SHISA7: variants seen among roughly 807,000 people sequenced by gnomAD.
The protein encoded by SHISA7 is protein shisa-7.
Under a neutral mutation model 23.9 loss-of-function variants are expected in SHISA7, and 6 were observed. The ratio of observed to expected loss-of-function variants is 0.25; its 90% CI spans 0.14 to 0.50. The LOEUF is 0.50. Ranked by LOEUF, SHISA7 falls within the 20% of genes least tolerant of loss-of-function variation. SHISA7 has a pLI of 0.98. For missense variants in SHISA7, 671 were observed against 801.1 expected, an observed-to-expected ratio of 0.84 and a Z score of 1.96; for synonymous variants, 386 against 398.3, an observed-to-expected ratio of 0.97 and a Z score of 0.37.
rs1159469736 is a variant in SHISA7 at position 55,429,384 on chromosome 19, G to A, written c.*3772C>T. 2 of 152,508 alleles carry A rather than the reference G, an allele frequency of 1.3e-5. No individual in the cohort carries two copies. The highest frequency in any genetic ancestry group is 2.9e-5 in the Non-Finnish European group (2 of 68,300). 9.4% of individuals were successfully genotyped at this position (152,508 alleles called of 1,614,324 possible). A position where few individuals can be genotyped will look rare whatever the true frequency, so the allele number is the denominator to read the frequency against. ...TCTGGGGAAGTCACAGTTGGCCTGA[G>A]CAGTGCGGGGCTGGGGAGGCCCTGG... On this transcript the variant is annotated 3_prime_UTR_variant, in exon 4 of 4. Transcript: ENST00000376325.
chr19:55,433,511 AG>A lies in SHISA7; in HGVS notation c.1261del (p.Leu421CysfsTer116). ...EHLLLSSPEA[L>X]RQSREHLLSP... ...CAGCAGGTGCTCGCGACTCTGGCGCAGGGCCTCGGGCGAGGACAGCAGCAGG... is the reference window on the plus strand; with the variant it reads ...CAGCAGGTGCTCGCGACTCTGGCGCAGGCCTCGGGCGAGGACAGCAGCAGG... On this transcript the variant is annotated frameshift_variant, in exon 4 of 4. Coordinates refer to ENST00000376325, the MANE Select transcript of SHISA7 (RefSeq NM_001145176.2). LOFTEE classifies it low-confidence loss of function (END_TRUNC). The surrounding 1 kb of genome is among the most constrained non-coding windows in gnomAD (Gnocchi z 8.4). 1.4e-6 allele frequency: 2 copies of A among 1,467,206 alleles called. No homozygotes were observed. The highest frequency in any genetic ancestry group is 1.8e-6 in the Non-Finnish European group (2 of 1,116,110). 90.9% of individuals were successfully genotyped at this position (1,467,206 alleles called of 1,614,324 possible). A position where few individuals can be genotyped will look rare whatever the true frequency, so the allele number is the denominator to read the frequency against.
chr19:55,435,368 T>TATATGTG (rs1255705967), intron 3 of SHISA7, among the ~76,000 whole-genome samples: 3 of 134,262 alleles, frequency 2.2e-5, no homozygotes, highest in African/African-American at 8.8e-5. Context: ...GTGTGTGGTG[T>TATATGTG]GTGTGTGGTG....
chr19:55,435,352 T>TGG (rs1985426976), intron 3 of SHISA7, among the ~76,000 whole-genome samples: 1 of 120,940 alleles, frequency 8.3e-6, no homozygotes, highest in Non-Finnish European at 1.7e-5. Context: ...ATGGTGTGTA[T>TGG]GGTGTGTGTG....
In SHISA7 at chr19:55,437,606, C is replaced by T; in HGVS notation, c.975G>A (p.Leu325=). The part of the protein sequence containing the change: ...ELNRYSSLKR[L]AEKDLDEAYL... Reference sequence around the variant, plus strand: ...CGCGCTGCCCTTGCCAGGACTCACCCAGCCTCTTGAGGGAAGAGTAGCGGT... The same window carrying T: ...CGCGCTGCCCTTGCCAGGACTCACCTAGCCTCTTGAGGGAAGAGTAGCGGT... The change falls in exon 3 of 4, where the codon CTG becomes CTA. Residue 325 remains leucine, a splice_region_variant and synonymous_variant. Coordinates refer to ENST00000376325, the MANE Select transcript of SHISA7 (RefSeq NM_001145176.2). 3 of 1,551,184 alleles carry T rather than the reference C, an allele frequency of 1.9e-6. No individual in the cohort carries two copies. The highest frequency in any genetic ancestry group is 1.7e-6 in the Non-Finnish European group (2 of 1,146,712).
At chr19:55,434,484 GTGTGGTGTATA>G (rs1488124822) in intron 3 of SHISA7, among the ~76,000 whole-genome samples, 5 of 127,432 alleles carry the variant, frequency 3.9e-5, no homozygotes, top group East Asian at 2.4e-4. Context: ...TATGGTGTGT[GTGTGGTGTATA>G]TGTGGTGTGT....
chr19:55,433,542 C>T lies in SHISA7; in HGVS notation c.1231G>A (p.Glu411Lys), dbSNP rs1394893177. ...TCGGGCGAGGACAGCAGCAGGTGCT[C>T]CTGCGACACCAGGCGCGCGCGCGGC... is the stretch of plus-strand genomic sequence containing the variant. ...TLPRARLVSQ[E>K]HLLLSSPEAL... The change falls in exon 4 of 4, where the codon GAG (glutamate) becomes AAG (lysine). Residue 411 changes from glutamate to lysine, a missense_variant. Physicochemically the swap from Glu to Lys is moderately conservative, Grantham distance 56. Around this residue, in one of 5 missense-constraint regions of SHISA7, gnomAD observed 457 missense variants for 488.3 expected, o/e 0.94. Transcript: ENST00000376325. The surrounding 1 kb of genome is among the most constrained non-coding windows in gnomAD (Gnocchi z 8.4). The T allele has an allele frequency of 2.0e-6, 3 of 1,492,502 alleles. No homozygotes were observed. The highest frequency in any genetic ancestry group is 2.7e-6 in the Non-Finnish European group (3 of 1,127,698). The allele number at this position is 1,492,502 out of a possible 1,614,324, so 92.5% of individuals were successfully genotyped here.
rs1447171229 is a variant in SHISA7, at chr19:55,429,910, A to C, written c.*3246T>G. ...AGCAGAAGACAGCACTGAAGGCCCC[A>C]GTCGGTCACCAGCTTTGACCTATCC... On this transcript the variant is annotated 3_prime_UTR_variant, in exon 4 of 4. Transcript: ENST00000376325. The C allele has an allele frequency of 6.6e-6, 1 of 152,266 alleles. No homozygotes were observed. Among genetic ancestry groups the C allele is most frequent in the Non-Finnish European group, 1.5e-5 (1 of 68,140 alleles). 9.4% of individuals were successfully genotyped at this position (152,266 alleles called of 1,614,324 possible).
At chr19:55,442,047 G>A in intron 1 of SHISA7, 146 bp downstream of exon 1, 1 of 791,482 alleles carries the variant, frequency 1.3e-6, no homozygotes, top group Non-Finnish European at 1.9e-6. Flanking sequence ...CTCAGCCCCT[G>A]CCCACCTTCA....
chr19:55,441,724 C>G (rs113551881), intron 1 of SHISA7, among the ~76,000 whole-genome samples: 13 of 152,346 alleles, frequency 8.5e-5, no homozygotes, highest in African/African-American at 3.1e-4. Flanking sequence ...TGCCAGGACC[C>G]TGCACGAATC....
In SHISA7 at chr19:55,442,805, C is replaced by A; in HGVS notation, c.59G>T (p.Arg20Leu). The A allele has an allele frequency of 7.5e-7, 1 of 1,341,142 alleles. No homozygotes were observed. Among genetic ancestry groups the A allele is most frequent in the Non-Finnish European group, 9.6e-7 (1 of 1,046,600 alleles). The allele number at this position is 1,341,142 out of a possible 1,614,324, so 83.1% of individuals were successfully genotyped here. A position where few individuals can be genotyped will look rare whatever the true frequency, so the allele number is the denominator to read the frequency against. Residue 20 changes from arginine (R) to leucine (L), a missense_variant, in exon 1 of 4, where the codon CGC (arginine) becomes CTC (leucine). Arg to Leu is a moderately radical substitution (Grantham distance 102, BLOSUM62 -2). This residue lies in a region of SHISA7 where 96 missense variants were observed against 113.1 expected (regional missense o/e 0.85). Coordinates refer to ENST00000376325, the MANE Select transcript of SHISA7 (RefSeq NM_001145176.2). ...CTCGGCGCTCGTGGCGTTGGACGGGCGCGCCCTGGCCTGGCCGGCGCTAGA... is the reference window on the plus strand; with the variant it reads ...CTCGGCGCTCGTGGCGTTGGACGGGAGCGCCCTGGCCTGGCCGGCGCTAGA... ...LASSAGQARA[R>L]PSNATSAEPA...
rs1985110548 is a variant in SHISA7 at position 55,429,326 on chromosome 19, C to A, written c.*3830G>T. On this transcript the variant is annotated 3_prime_UTR_variant, in exon 4 of 4. Transcript: ENST00000376325. ...GAGGTGTTGAGCAGAGGGGAGGGGGCTGGGAGGGGGTGGGTGCTCAAGCTG... is the reference window on the plus strand; with the variant it reads ...GAGGTGTTGAGCAGAGGGGAGGGGGATGGGAGGGGGTGGGTGCTCAAGCTG... The A allele has an allele frequency of 6.7e-6, 1 of 149,050 alleles. No homozygotes were observed. Among genetic ancestry groups the A allele is most frequent in the Non-Finnish European group, 1.5e-5 (1 of 67,300 alleles). 9.2% of individuals were successfully genotyped at this position (149,050 alleles called of 1,614,324 possible). A position where few individuals can be genotyped will look rare whatever the true frequency, so the allele number is the denominator to read the frequency against.
At chr19:55,438,450 T>C in intron 2 of SHISA7, 1 of 971,250 alleles carries the variant, frequency 1.0e-6, no homozygotes, top group Admixed American at 2.4e-5. Context: ...AGGACTGGGC[T>C]CACAGGGGTC....
chr19:55,437,579 G>A, intron 3 of SHISA7, 26 bp downstream of exon 3: 1 of 1,545,460 alleles, frequency 6.5e-7, no homozygotes, highest in Non-Finnish European at 8.7e-7. Context: ...CCCCTTCACC[G>A]CCGCGCTGCC....
chr19:55,434,317 T>TGTGTGTGTG (rs1985302569), intron 3 of SHISA7, among the ~76,000 whole-genome samples: 3 of 81,754 alleles, frequency 3.7e-5, no homozygotes, highest in Non-Finnish European at 7.3e-5. Flanking sequence ...GTGTGGTGTG[T>TGTGTGTGTG]GTGTGTGGTG....
At chr19:55,438,955 C>T (rs934698777) in intron 2 of SHISA7, among the ~76,000 whole-genome samples, 2 of 152,140 alleles carry the variant, frequency 1.3e-5, no homozygotes, top group African/African-American at 4.8e-5. Flanking sequence ...CACTTGGTTC[C>T]TTCTGACATC....
rs1479474647 is a variant in SHISA7, at chr19:55,431,616, T to A, written c.*1540A>T. 2 of 151,796 alleles carry A rather than the reference T, an allele frequency of 1.3e-5. No homozygotes were observed. Among genetic ancestry groups the A allele is most frequent in the Non-Finnish European group, 2.9e-5 (2 of 67,950 alleles). 9.4% of individuals were successfully genotyped at this position (151,796 alleles called of 1,614,324 possible). A position where few individuals can be genotyped will look rare whatever the true frequency, so the allele number is the denominator to read the frequency against. ...GACATGGGTAACACTTGACCCCGGG[T>A]GTGGTGCCATCATGAGTGGCGGGTG... is the stretch of plus-strand genomic sequence containing the variant. On this transcript the variant is annotated 3_prime_UTR_variant, in exon 4 of 4. Coordinates refer to ENST00000376325, the MANE Select transcript of SHISA7 (RefSeq NM_001145176.2).
chr19:55,440,295 C>T (rs901902172), intron 2 of SHISA7, among the ~76,000 whole-genome samples: 7 of 152,278 alleles, frequency 4.6e-5, no homozygotes, highest in Admixed American at 3.9e-4. Context: ...GTAGTTGTGC[C>T]CTTGTGTGTA....
At position 55,433,216 on chromosome 19, in the gene SHISA7, G is replaced by A; in HGVS notation, c.1557C>T (p.Ile519=). Residue 519 remains isoleucine, a synonymous_variant, in exon 4 of 4, where the codon ATC becomes ATT. Transcript: ENST00000376325. This position sits in a 1 kb window ranked among gnomAD's most constrained non-coding sequence, Gnocchi z 8.4. ...RQGTLEQLQF[I]PGHHLPQHLR... is the part of the protein sequence containing the mutation. ...GGTGCTGGGGCAGGTGGTGGCCCGG[G>A]ATGAACTGCAGCTGCTCCAGCGTGC... 6.5e-7 allele frequency: 1 copy of A among 1,529,448 alleles called. No homozygotes were observed. Among genetic ancestry groups the A allele is most frequent in the Non-Finnish European group, 8.7e-7 (1 of 1,143,600 alleles). 94.7% of individuals were successfully genotyped at this position (1,529,448 alleles called of 1,614,324 possible).
intron 1 of SHISA7, among the ~76,000 whole-genome samples, 154 bp from the exon 2 acceptor site, chr19:55,440,919 G>GC (rs1985586735): frequency 6.6e-6 from 1 of 151,812 alleles, no homozygotes; most frequent in Non-Finnish European, 1.5e-5. Context: ...CGTTGGCCAC[G>GC]CCCCCTAGAA....
Sources: gnomAD v4.1 joint callset for allele counts (sites outside exome capture counted in the v4.1 genomes callset) on GRCh38, gnomAD v4.1.1 for gene constraint, gnomAD v4.1.1 regional missense constraint, Gnocchi (gnomAD v3.1) non-coding constraint, MANE v1.5 for transcripts, NCBI Gene and HGNC (gene_info 2026-07-23, HGNC 2026-07-21) for gene names.